The following UTY variants were observed in gnomAD, a reference collection of about 807,000 sequenced individuals.
UTY encodes the protein ubiquitously transcribed tetratricopeptide repeat containing, Y-linked.
Under a neutral mutation model 32.5 loss-of-function variants are expected in UTY, and 12 were observed. The observed-to-expected ratio is 0.37, with a 90% CI of 0.24 to 0.60. The LOEUF is 0.60. UTY is among the 20% of genes least tolerant of loss of function. The pLI is 0.69. For synonymous variants in UTY, 131 were observed against 103.4 expected (o/e 1.27, Z -1.62); for missense variants, 303 against 299.2 (o/e 1.01, Z -0.09).
intron 28 of UTY, among the ~76,000 whole-genome samples, chrY:13,258,960 G>A: frequency 5.9e-5 from 2 of 34,069 alleles, no homozygotes; most frequent in Admixed American, 2.7e-4. Flanking sequence ...CAACACCCAC[G>A]CTGGAAGACT....
chrY:13,344,577 G>A (rs757214276), intron 17 of UTY, among the ~76,000 whole-genome samples: 1 of 33,900 alleles, frequency 2.9e-5, no homozygotes, highest in Admixed American at 2.6e-4. Flanking sequence ...GAGAAAGCTC[G>A]GGAAGTAACC....
chrY:13,309,927 A>G, intron 21 of UTY, among the ~76,000 whole-genome samples: 1 of 32,602 alleles, frequency 3.1e-5, no homozygotes, highest in African/African-American at 1.2e-4. Context: ...TTAAAAATTC[A>G]ATTTACTGAC....
chrY:13,347,199 A>G (rs2061978788), intron 17 of UTY, among the ~76,000 whole-genome samples: 1 of 32,836 alleles, frequency 3.0e-5, no homozygotes, highest in Admixed American at 2.8e-4. Flanking sequence ...CTTTGTGATC[A>G]GTGGACCTTA....
chrY:13,404,888 A>G, intron 6 of UTY, among the ~76,000 whole-genome samples: 1 of 33,170 alleles, frequency 3.0e-5, no homozygotes, highest in African/African-American at 1.2e-4. Context: ...AAAATAAACT[A>G]CAATATGATC....
At chrY:13,470,293 T>C in intron 2 of UTY, 64 bp from the exon 3 acceptor site, 1 of 218,387 alleles carries the variant, frequency 4.6e-6, no homozygotes, top group Non-Finnish European at 7.0e-6. Context: ...TACATACATC[T>C]GCACGAGATT....
At chrY:13,391,740 C>A (rs2067579037) in intron 8 of UTY, among the ~76,000 whole-genome samples, 1 of 33,624 alleles carries the variant, frequency 3.0e-5, no homozygotes, top group African/African-American at 1.2e-4. Flanking sequence ...CCTAGTTTTG[C>A]GGATGTCTTT....
At chrY:13,402,068 C>T in intron 6 of UTY, among the ~76,000 whole-genome samples, 1 of 33,192 alleles carries the variant, frequency 3.0e-5, no homozygotes, top group Non-Finnish European at 7.4e-5. Context: ...TCCACACCCC[C>T]AAACAGCATA....
chrY:13,238,369 CA>C (rs2053870414), intron 28 of UTY, among the ~76,000 whole-genome samples: 5 of 33,262 alleles, frequency 1.5e-4, no homozygotes, highest in Non-Finnish European at 3.7e-4. Context: ...CTCATGAGCT[CA>C]CTGCAGCCTG....
At chrY:13,411,786 T>C (rs2070990302) in intron 5 of UTY, among the ~76,000 whole-genome samples, 16 of 33,825 alleles carry the variant, frequency 4.7e-4, no homozygotes, top group Admixed American at 3.7e-3. Context: ...CCTGGCCTGT[T>C]TGCCATTATC....
At chrY:13,465,721 A>G (rs1033654455) in intron 3 of UTY, among the ~76,000 whole-genome samples, 1 of 33,398 alleles carries the variant, frequency 3.0e-5, no homozygotes, top group Non-Finnish European at 7.4e-5. Flanking sequence ...TGCCCAAAGC[A>G]TATGGAGTCT....
chrY:13,442,801 A>C (rs2075316289), intron 4 of UTY, among the ~76,000 whole-genome samples: 2 of 33,628 alleles, frequency 5.9e-5, no homozygotes, highest in Non-Finnish European at 1.5e-4. Context: ...CATGCCCCCC[A>C]GGTAGGTGGC....
chrY:13,285,936 C>T, intron 27 of UTY, among the ~76,000 whole-genome samples: 1 of 33,891 alleles, frequency 3.0e-5, no homozygotes, highest in African/African-American at 1.2e-4. Flanking sequence ...ACCCTAAACC[C>T]CGCCACCTTG....
At chrY:13,412,556 A>C (rs986173842) in intron 5 of UTY, among the ~76,000 whole-genome samples, 2 of 33,050 alleles carry the variant, frequency 6.1e-5, no homozygotes, top group African/African-American at 2.4e-4. Flanking sequence ...TTACGTTCTT[A>C]TCTTCAATCT....
intron 4 of UTY, among the ~76,000 whole-genome samples, chrY:13,423,833 T>A: frequency 3.0e-5 from 1 of 32,905 alleles, no homozygotes; most frequent in Non-Finnish European, 7.5e-5. Context: ...CCTCTTTTTT[T>A]ATACCTGTTA....
At chrY:13,394,637 A>G in intron 7 of UTY, among the ~76,000 whole-genome samples, 1 of 33,532 alleles carries the variant, frequency 3.0e-5, no homozygotes, top group Non-Finnish European at 7.4e-5. Context: ...TCCATGATAA[A>G]CACCTTTTCT....
intron 27 of UTY, among the ~76,000 whole-genome samples, chrY:13,284,095 G>A (rs2057203127): frequency 3.0e-5 from 1 of 33,275 alleles, no homozygotes; most frequent in East Asian, 7.6e-4. Context: ...TGAAAGTTGA[G>A]ACATGTTGAA....
chrY:13,360,161 G>A (rs2063377335), intron 11 of UTY, among the ~76,000 whole-genome samples, 175 bp from the exon 12 acceptor site: 1 of 31,888 alleles, frequency 3.1e-5, no homozygotes, highest in African/African-American at 1.2e-4. Flanking sequence ...TCAGACTCCT[G>A]CGTACCTGGG....
At chrY:13,457,585 C>A in intron 3 of UTY, among the ~76,000 whole-genome samples, 1 of 32,785 alleles carries the variant, frequency 3.1e-5, no homozygotes, top group Non-Finnish European at 7.5e-5. Context: ...TAGTGACTTT[C>A]TTCCAGACAA....
At chrY:13,352,622 T>A (rs2062505609) in intron 17 of UTY, among the ~76,000 whole-genome samples, 1 of 33,628 alleles carries the variant, frequency 3.0e-5, no homozygotes, top group Non-Finnish European at 7.3e-5. Context: ...TCTCTCCCTT[T>A]AAATCCAAAG....
Sources: gnomAD v4.1 joint callset for allele counts (sites outside exome capture counted in the v4.1 genomes callset) on GRCh38, gnomAD v4.1.1 for gene constraint, MANE v1.5 for transcripts, NCBI Gene and HGNC (gene_info 2026-07-23, HGNC 2026-07-21) for gene names.